The following LPP variants were observed in gnomAD, a reference collection of about 807,000 sequenced individuals.
LPP encodes lipoma-preferred partner.
In LPP, 38 loss-of-function variants were observed where a neutral mutation model predicts 60.4. The ratio of observed to expected loss-of-function variants is 0.63; its 90% CI spans 0.49 to 0.83. The LOEUF (loss-of-function observed/expected upper bound fraction) is 0.83, where lower values mean the gene tolerates loss of function less well. Ranked by LOEUF, LPP falls within the 40% of genes least tolerant of loss-of-function variation. LPP has a pLI of 0.00. For missense variants in LPP, 902 were observed against 783.6 expected (o/e 1.15, Z -1.80); for synonymous variants, 328 against 290.8 (o/e 1.13, Z -1.30).
chr3:188,487,627 C>T (rs899315142), intron 5 of LPP, among the ~76,000 whole-genome samples: 7 of 152,110 alleles, frequency 4.6e-5, no homozygotes, highest in African/African-American at 9.7e-5. Flanking sequence ...CAAAAGAAAA[C>T]GAACATGCCC....
intron 8 of LPP, among the ~76,000 whole-genome samples, chr3:188,724,200 G>C (rs1249520187): frequency 6.6e-6 from 1 of 152,104 alleles, no homozygotes; most frequent in Non-Finnish European, 1.5e-5. Flanking sequence ...AAGCCAAGAT[G>C]AGTTAAATAA....
intron 1 of LPP, among the ~76,000 whole-genome samples, chr3:188,189,450 A>G (rs767329878): frequency 1.3e-5 from 2 of 152,176 alleles, no homozygotes; most frequent in Non-Finnish European, 2.9e-5. Context: ...CTCTCAGGAT[A>G]TAATTGGGGC....
At chr3:188,494,004 C>G (rs1252967293) in intron 5 of LPP, among the ~76,000 whole-genome samples, 1 of 152,088 alleles carries the variant, frequency 6.6e-6, no homozygotes, top group Non-Finnish European at 1.5e-5. Flanking sequence ...AGGAGTGGCT[C>G]TGGATATCTG....
At chr3:188,518,955 T>C (rs1015378742) in intron 5 of LPP, among the ~76,000 whole-genome samples, 3 of 152,132 alleles carry the variant, frequency 2.0e-5, no homozygotes, top group Admixed American at 6.6e-5. Context: ...GAAACCGAAA[T>C]GAATACTGAA....
intron 2 of LPP, among the ~76,000 whole-genome samples, chr3:188,306,031 C>A (rs1751411434): frequency 6.6e-6 from 1 of 152,010 alleles, no homozygotes; most frequent in South Asian, 2.1e-4. Context: ...GTTGCTTATC[C>A]TCTCTAGGGT....
At chr3:188,708,126 A>G in intron 7 of LPP, 141 bp from the exon 8 acceptor site, 1 of 833,968 alleles carries the variant, frequency 1.2e-6, no homozygotes, top group South Asian at 1.8e-5. Context: ...TAAGTGATAA[A>G]ACTAATTCTA....
chr3:188,373,206 C>A lies in LPP; in HGVS notation c.-10+31487C>A, dbSNP rs888862783. ...CTTTATAGCAGCATGATTTATAATC[C>A]TTTGGGTATAAACCCAGTAATGGGA... On this transcript the variant is annotated intron_variant, in intron 3 of 11. Coordinates refer to ENST00000617246, the MANE Select transcript of LPP (RefSeq NM_001375462.1). 2.6e-5 allele frequency among the ~76,000 whole-genome samples: 4 copies of A among 152,306 alleles called. No individual in the cohort carries two copies. The East Asian group carries it at 5.8e-4, about 22-fold the overall frequency.
chr3:188,801,438 C>T (rs1324925260), intron 9 of LPP, among the ~76,000 whole-genome samples: 1 of 152,050 alleles, frequency 6.6e-6, no homozygotes, highest in East Asian at 1.9e-4. Context: ...AAACAGTGCT[C>T]AGGGCGTATT....
At chr3:188,791,102 G>C (rs1300540006) in intron 9 of LPP, among the ~76,000 whole-genome samples, 2 of 152,132 alleles carry the variant, frequency 1.3e-5, no homozygotes, top group African/African-American at 4.8e-5. Context: ...CTTGCAGTCT[G>C]TCAGCAATCA....
intron 8 of LPP, among the ~76,000 whole-genome samples, chr3:188,731,345 A>G (rs1404688355): frequency 6.6e-6 from 1 of 152,108 alleles, no homozygotes; most frequent in Non-Finnish European, 1.5e-5. Flanking sequence ...GGGAAAGATC[A>G]TTCGGATTTA....
chr3:188,451,829 G>T (rs1796654081), intron 4 of LPP, among the ~76,000 whole-genome samples: 1 of 152,134 alleles, frequency 6.6e-6, no homozygotes, highest in South Asian at 2.1e-4. Flanking sequence ...GAGGGAATGT[G>T]GCATCCTCGA....
chr3:188,604,091 AC>A (rs1347247613), intron 6 of LPP, among the ~76,000 whole-genome samples: 1 of 152,034 alleles, frequency 6.6e-6, no homozygotes, highest in Non-Finnish European at 1.5e-5. Context: ...AGTAGAAATC[AC>A]TTTTACTCAT....
At chr3:188,228,983 A>G (rs2149347171) in intron 2 of LPP, among the ~76,000 whole-genome samples, 1 of 152,354 alleles carries the variant, frequency 6.6e-6, no homozygotes, top group African/African-American at 2.4e-5. Flanking sequence ...TTCAGTGCAC[A>G]GCATCGGGAA....
intron 4 of LPP, among the ~76,000 whole-genome samples, chr3:188,476,118 C>A (rs1263068513): frequency 6.6e-6 from 1 of 152,128 alleles, no homozygotes; most frequent in Non-Finnish European, 1.5e-5. Flanking sequence ...CATAGCCCTT[C>A]TCACCATGTG....
At chr3:188,527,665 C>T (rs1032930568) in intron 6 of LPP, among the ~76,000 whole-genome samples, 1 of 152,022 alleles carries the variant, frequency 6.6e-6, no homozygotes, top group Non-Finnish European at 1.5e-5. Context: ...TGCCCCAAAT[C>T]TCATCTCATA....
chr3:188,471,506 G>A (rs1049810062), intron 4 of LPP, among the ~76,000 whole-genome samples: 1 of 152,188 alleles, frequency 6.6e-6, no homozygotes, highest in African/African-American at 2.4e-5. Context: ...TGTATTCAGA[G>A]TGGGTGGTTA....
Position 188,336,414 on chromosome 3 carries a change from AGAAGGAGTGCAGG to A in LPP, c.-66-5244_-66-5232del, listed in dbSNP as rs545792121. On this transcript the variant is annotated intron_variant, in intron 2 of 11. Transcript: ENST00000617246. ...GCTGTGAGTGGCTCAACTCCAGGAA[AGAAGGAGTGCAGG>A]GAAGTTTGGACCCAGAGAGCAGGAT... Among the ~76,000 whole-genome samples the A allele has an allele frequency of 2.6e-5, 4 of 152,292 alleles. No individual in the cohort carries two copies. The East Asian group carries it at 7.7e-4, about 29-fold the overall frequency.
intron 8 of LPP, among the ~76,000 whole-genome samples, chr3:188,716,289 G>A (rs916846749): frequency 6.6e-5 from 10 of 152,234 alleles, no homozygotes; most frequent in South Asian, 2.1e-4. Flanking sequence ...GAAGAAAGGC[G>A]TTAACATGAA....
At chr3:188,486,576 A>G (rs1018499341) in intron 5 of LPP, among the ~76,000 whole-genome samples, 1 of 152,064 alleles carries the variant, frequency 6.6e-6, no homozygotes, top group African/African-American at 2.4e-5. Flanking sequence ...TTTCTTGGGG[A>G]GTGTATTTTC....
Sources: allele counts gnomAD v4.1 joint callset (sites outside exome capture counted in the v4.1 genomes callset), GRCh38; gene constraint gnomAD v4.1.1; transcripts MANE v1.5; gene names NCBI Gene and HGNC (gene_info 2026-07-23, HGNC 2026-07-21).